RALYL: variants seen among roughly 807,000 people sequenced by gnomAD.
The protein encoded by RALYL is RALY RNA binding protein like.
A neutral mutation model predicts 35.1 loss-of-function variants in RALYL; 29 were observed. The observed-to-expected ratio is 0.83, with a 90% CI of 0.61 to 1.13. The LOEUF is 1.13. RALYL is among the 50% of genes most tolerant of loss of function. The pLI is 0.00. For synonymous variants in RALYL, 120 were observed against 127.6 expected, an observed-to-expected ratio of 0.94 and a Z score of 0.40; for missense variants, 359 against 360.4, an observed-to-expected ratio of 1.00 and a Z score of 0.03.
chr8:84,840,328 G>C (rs1005937138), intron 4 of RALYL, among the ~76,000 whole-genome samples: 4 of 152,172 alleles, frequency 2.6e-5, no homozygotes, highest in Non-Finnish European at 5.9e-5. Context: ...GAATGGACAA[G>C]CCTCAGTAGC....
chr8:84,486,677 C>T (rs1417717061), intron 1 of RALYL, among the ~76,000 whole-genome samples: 1 of 152,000 alleles, frequency 6.6e-6, no homozygotes, highest in Non-Finnish European at 1.5e-5. Context: ...AAAAATCCCA[C>T]TTCACAATAA....
chr8:84,275,648 C>T (rs187458222), intron 1 of RALYL, among the ~76,000 whole-genome samples: 695 of 152,078 alleles, frequency 4.6e-3, no homozygotes, highest in Admixed American at 7.9e-3. Context: ...TCTATCAAAT[C>T]GAAATTCAAT....
At chr8:84,285,641 A>G (rs1259452087) in intron 1 of RALYL, among the ~76,000 whole-genome samples, 1 of 152,146 alleles carries the variant, frequency 6.6e-6, no homozygotes, top group African/African-American at 2.4e-5. Flanking sequence ...GAGAAGAGTT[A>G]TAGGGATATC....
At chr8:84,370,605 C>T (rs968056820) in intron 1 of RALYL, among the ~76,000 whole-genome samples, 22 of 151,868 alleles carry the variant, frequency 1.4e-4, no homozygotes, top group Admixed American at 3.9e-4. Context: ...AAGGAAAATA[C>T]GAGAGCAGCA....
chr8:84,834,385 GTGTTTGCAGC>G (rs1233888147), intron 4 of RALYL, among the ~76,000 whole-genome samples: 2 of 152,224 alleles, frequency 1.3e-5, no homozygotes, highest in Non-Finnish European at 2.9e-5. Context: ...TGGAGGAGAT[GTGTTTGCAGC>G]TGACTTGAGG....
intron 2 of RALYL, among the ~76,000 whole-genome samples, chr8:84,715,494 G>A (rs1419914666): frequency 6.6e-6 from 1 of 151,824 alleles, no homozygotes; most frequent in East Asian, 1.9e-4. Flanking sequence ...CAAAATATAA[G>A]TTTTACCAAT....
intron 1 of RALYL, among the ~76,000 whole-genome samples, chr8:84,251,169 T>G: frequency 6.6e-6 from 1 of 152,106 alleles, no homozygotes; most frequent in East Asian, 1.9e-4. Context: ...GCATTATTAT[T>G]TTCTTTACAT....
chr8:84,624,321 C>T (rs992583297), intron 2 of RALYL, among the ~76,000 whole-genome samples: 2 of 152,206 alleles, frequency 1.3e-5, no homozygotes, highest in Non-Finnish European at 2.9e-5. Context: ...AGAAGCCTAA[C>T]GTGGGTTTTA....
At chr8:84,793,605 G>A (rs991608423) in intron 3 of RALYL, among the ~76,000 whole-genome samples, 1 of 152,058 alleles carries the variant, frequency 6.6e-6, no homozygotes, top group African/African-American at 2.4e-5. Context: ...AGAGTGGGAG[G>A]GATTCTAATG....
At chr8:84,423,929 T>C (rs2046007379) in intron 1 of RALYL, among the ~76,000 whole-genome samples, 3 of 151,982 alleles carry the variant, frequency 2.0e-5, no homozygotes, top group Middle Eastern at 3.2e-3. Context: ...GCTGTTAGTC[T>C]GATGGGCTTC....
intron 2 of RALYL, among the ~76,000 whole-genome samples, chr8:84,704,053 C>G (rs1034906013): frequency 6.6e-6 from 1 of 152,276 alleles, no homozygotes. Flanking sequence ...AGTCAATAAA[C>G]ATGAATTGGC....
At position 84,403,524 on chromosome 8, in the gene RALYL, G is replaced by GTTTTTTTT. The variant is rs769845435; in HGVS notation, c.-23-125752_-23-125745dup. 4.6e-4 allele frequency among the ~76,000 whole-genome samples: 18 copies of GTTTTTTTT among 39,476 alleles called. 5 individuals are homozygous for GTTTTTTTT. The highest frequency in any genetic ancestry group is 8.0e-4 in the Admixed American group (2 of 2,498). The allele number at this position is 39,476 out of a possible 152,430, so 25.9% of individuals were successfully genotyped here. On this transcript the variant is annotated intron_variant, in intron 1 of 8. Transcript: ENST00000521268. ...TTCTGTTCCATTGGTCTATATCTCTGTTTTTTTTTTTTTTTTTTTTTTTTT... is the reference window on the plus strand; with the variant it reads ...TTCTGTTCCATTGGTCTATATCTCTGTTTTTTTTTTTTTTTTTTTTTTTTTTTTTTTTT...
At chr8:84,754,827 A>C (rs1308901818) in intron 2 of RALYL, among the ~76,000 whole-genome samples, 1 of 152,204 alleles carries the variant, frequency 6.6e-6, no homozygotes, top group African/African-American at 2.4e-5. Context: ...AAGAAGAAGA[A>C]GAACAGTAAC....
chr8:84,627,890 C>G (rs1823086572), intron 2 of RALYL, among the ~76,000 whole-genome samples: 1 of 151,936 alleles, frequency 6.6e-6, no homozygotes, highest in Non-Finnish European at 1.5e-5. Flanking sequence ...CAAATTGTAC[C>G]CCACTAAATT....
At chr8:84,471,226 A>G (rs1001938851) in intron 1 of RALYL, among the ~76,000 whole-genome samples, 13 of 152,202 alleles carry the variant, frequency 8.5e-5, no homozygotes, top group African/African-American at 3.1e-4. Flanking sequence ...ATTGCTATTA[A>G]GAGAAATGCA....
At chr8:84,486,375 GA>G (rs917806683) in intron 1 of RALYL, among the ~76,000 whole-genome samples, 7 of 150,166 alleles carry the variant, frequency 4.7e-5, no homozygotes, top group East Asian at 1.9e-4. Context: ...ATACTTTTTT[GA>G]AAAAAAGGAA....
chr8:84,723,795 C>T (rs762353979), intron 2 of RALYL, among the ~76,000 whole-genome samples: 2 of 151,848 alleles, frequency 1.3e-5, no homozygotes, highest in Non-Finnish European at 2.9e-5. Flanking sequence ...AATAGTCTCT[C>T]TTCCTAATAA....
intron 2 of RALYL, among the ~76,000 whole-genome samples, chr8:84,615,889 T>C (rs1819484725): frequency 1.3e-5 from 1 of 79,582 alleles, no homozygotes; most frequent in Non-Finnish European, 2.3e-5. Context: ...AATGATGATT[T>C]CCAATTTCAT....
chr8:84,893,783 C>T (rs924118020), intron 8 of RALYL, among the ~76,000 whole-genome samples: 8 of 152,304 alleles, frequency 5.3e-5, no homozygotes, highest in Non-Finnish European at 1.0e-4. Flanking sequence ...ACAAGCAAAA[C>T]ATTTAAATGG....
Sources: gnomAD v4.1 joint callset for allele counts (sites outside exome capture counted in the v4.1 genomes callset) on GRCh38, gnomAD v4.1.1 for gene constraint, MANE v1.5 for transcripts, NCBI Gene and HGNC (gene_info 2026-07-23, HGNC 2026-07-21) for gene names.